CD163L1: variants seen among roughly 807,000 people sequenced by gnomAD.
The protein encoded by CD163L1 is CD163 molecule like 1.
Under a neutral mutation model 165.4 loss-of-function variants are expected in CD163L1, and 124 were observed. The observed-to-expected ratio is 0.75, with a 90% CI of 0.65 to 0.87. The LOEUF is 0.87. CD163L1 is among the 40% of genes least tolerant of loss of function. The pLI is 0.00. For missense variants in CD163L1, 1,525 were observed against 1,799.9 expected, an observed-to-expected ratio of 0.85 and a Z score of 2.76; for synonymous variants, 585 against 662.2, an observed-to-expected ratio of 0.88 and a Z score of 1.79.
intron 6 of CD163L1, among the ~76,000 whole-genome samples, chr12:7,399,457 C>T: frequency 1.3e-5 from 2 of 150,896 alleles, no homozygotes; most frequent in Non-Finnish European, 2.9e-5. Flanking sequence ...CTCTTCCTCC[C>T]TTTCCCTTCT....
intron 4 of CD163L1, among the ~76,000 whole-genome samples, chr12:7,424,130 C>T (rs1040542238): frequency 2.0e-5 from 3 of 152,082 alleles, no homozygotes; most frequent in Non-Finnish European, 4.4e-5. Context: ...TTATCCACCA[C>T]GATCAAATCG....
chr12:7,438,077 T>C (rs1473205386), intron 2 of CD163L1, among the ~76,000 whole-genome samples: 1 of 152,178 alleles, frequency 6.6e-6, no homozygotes, highest in African/African-American at 2.4e-5. Context: ...TTCACATTTA[T>C]GTAGGGTTTT....
At chr12:7,367,117 G>A (rs187475839) in intron 18 of CD163L1, 119 bp downstream of exon 18, 58 of 466,598 alleles carry the variant, frequency 1.2e-4, no homozygotes, top group Middle Eastern at 5.7e-4. Context: ...TTTCCCTTTC[G>A]CGTATTTTGT....
At chr12:7,421,470 T>TACATATATGTACATATATAC (rs1343072223) in intron 4 of CD163L1, among the ~76,000 whole-genome samples, 1 of 124,814 alleles carries the variant, frequency 8.0e-6, no homozygotes, top group African/African-American at 3.3e-5. Context: ...TATACATATA[T>TACATATATGTACATATATAC]ATACATATAT....
the CD163L1 span, among the ~76,000 whole-genome samples, chr12:7,318,930 T>C: frequency 2.0e-5 from 3 of 152,216 alleles, no homozygotes; most frequent in Non-Finnish European, 2.9e-5. Context: ...TACCAGGGAC[T>C]GGATTCGTGG....
In CD163L1 at chr12:7,369,071, C is replaced by T. The variant is rs1462555907; in HGVS notation, c.4040-106G>A. The T allele has an allele frequency of 6.3e-6, 8 of 1,262,078 alleles. No homozygotes were observed. The East Asian group carries it at 1.7e-4, about 27-fold the overall frequency. 78.2% of individuals were successfully genotyped at this position (1,262,078 alleles called of 1,614,324 possible). ...GGATGTCATTTAAATATCCTTTTAA[C>T]ATCTCCTGTGAATACTGGATGTCAT... On this transcript the variant is annotated intron_variant, in intron 15 of 19. Transcript: ENST00000313599. The surrounding 1 kb of genome is among the most constrained non-coding windows in gnomAD (Gnocchi z 4.9).
intron 4 of CD163L1, among the ~76,000 whole-genome samples, chr12:7,425,813 A>C (rs984488466): frequency 1.3e-5 from 2 of 151,892 alleles, no homozygotes; most frequent in Non-Finnish European, 2.9e-5. Context: ...ATCATTAAAA[A>C]CTCTGGAAAC....
rs1565780645 is a variant in CD163L1, at chr12:7,375,430, C to T, written c.2852G>A (p.Gly951Glu). Reference protein sequence around the residue: ...LSCGTALSTTGGKYIGERSVR... With the variant: ...LSCGTALSTTEGKYIGERSVR... ...ACTTCTTTCTCCAATATATTTTCCT[C>T]CTGTGGTTGAGAGAGCAGTCCCACA... The change falls in exon 11 of 20, where the codon GGA becomes GAA. Residue 951 changes from glycine to glutamate, a missense_variant. Physicochemically the swap from Gly to Glu is moderately conservative, Grantham distance 98 (BLOSUM62 -2). Transcript: ENST00000313599. The T allele has an allele frequency of 1.9e-6, 3 of 1,614,198 alleles. No homozygotes were observed. The highest frequency in any genetic ancestry group is 2.5e-6 in the Non-Finnish European group (3 of 1,180,034).
chr12:7,414,545 AAATT>A (rs145739777), intron 4 of CD163L1, among the ~76,000 whole-genome samples: 15,437 of 152,038 alleles, frequency 0.1, 1,359 homozygotes, highest in African/African-American at 0.23. Flanking sequence ...AGAAATTTAA[AAATT>A]AATAACTAAA....
intron 4 of CD163L1, among the ~76,000 whole-genome samples, chr12:7,427,505 A>G (rs747558029): frequency 1.3e-5 from 2 of 152,142 alleles, no homozygotes; most frequent in African/African-American, 2.4e-5. Flanking sequence ...CCATCAAAAA[A>G]TTAATAATAA....
chr12:7,403,225 G>T (rs1293274849), intron 6 of CD163L1, among the ~76,000 whole-genome samples: 1 of 152,082 alleles, frequency 6.6e-6, no homozygotes, highest in Admixed American at 6.6e-5. Context: ...CAGCAGAAAA[G>T]CTGTTAAGAA....
chr12:7,418,310 G>A (rs757954017), intron 4 of CD163L1, among the ~76,000 whole-genome samples: 7 of 152,008 alleles, frequency 4.6e-5, no homozygotes, highest in Non-Finnish European at 7.4e-5. Flanking sequence ...AAATCATGAT[G>A]GAAATTTAAA....
intron 4 of CD163L1, among the ~76,000 whole-genome samples, chr12:7,348,559 A>G (rs1565763878): frequency 6.6e-6 from 1 of 152,182 alleles, no homozygotes; most frequent in Non-Finnish European, 1.5e-5. Flanking sequence ...GTTTGAATCC[A>G]GGCTCTTCAT....
At chr12:7,320,892 A>C in the CD163L1 span, 4 of 1,154,880 alleles carry the variant, frequency 3.5e-6, no homozygotes, top group Non-Finnish European at 5.1e-6. Context: ...AGGATAGCTC[A>C]GGCTTTCTCA....
chr12:7,386,642 T>C (rs1473362551), intron 8 of CD163L1, among the ~76,000 whole-genome samples: 4 of 147,816 alleles, frequency 2.7e-5, no homozygotes, highest in Non-Finnish European at 5.9e-5. Flanking sequence ...AAGTGGGATT[T>C]AGTCCAGGCA....
intron 2 of CD163L1, chr12:7,439,369 C>G (rs1356432468): frequency 6.3e-7 from 1 of 1,599,604 alleles, no homozygotes; most frequent in Non-Finnish European, 8.5e-7. Context: ...TTTAGTTCTT[C>G]TTTGGCTTCA....
the CD163L1 span, chr12:7,322,400 G>A: frequency 4.3e-6 from 7 of 1,613,208 alleles, no homozygotes; most frequent in Non-Finnish European, 5.1e-6. Flanking sequence ...AAAGACCCAT[G>A]CAACTCTGTC....
At chr12:7,332,666 T>A in the CD163L1 span, among the ~76,000 whole-genome samples, 1 of 152,016 alleles carries the variant, frequency 6.6e-6, no homozygotes, top group Admixed American at 6.6e-5. Flanking sequence ...ACCCAGAATT[T>A]CATATCCAGC....
rs984593409 is a variant in CD163L1, at chr12:7,417,961, A to C, written c.767-11109T>G. ...CCTATCAATAACTGCTTTAAATGTA[A>C]ATTGATTAAATTCTCTAATGAAAAA... On this transcript the variant is annotated intron_variant, in intron 4 of 19. Coordinates refer to ENST00000313599, the MANE Select transcript of CD163L1 (RefSeq NM_174941.6). Among the ~76,000 whole-genome samples the C allele has an allele frequency of 5.3e-5, 8 of 151,854 alleles. No homozygotes were observed. The East Asian group carries it at 1.4e-3, about 26-fold the overall frequency.
Sources: allele counts gnomAD v4.1 joint callset (sites outside exome capture counted in the v4.1 genomes callset), GRCh38; gene constraint gnomAD v4.1.1; non-coding constraint Gnocchi (gnomAD v3.1); transcripts MANE v1.5; gene names NCBI Gene and HGNC (gene_info 2026-07-23, HGNC 2026-07-21).